TMEM132D: variants seen among roughly 807,000 people sequenced by gnomAD.
The protein encoded by TMEM132D is transmembrane protein 132D, also known as mature OL transmembrane protein.
A neutral mutation model predicts 62.3 loss-of-function variants in TMEM132D; 21 were observed. The observed-to-expected ratio is 0.34, with a 90% CI of 0.24 to 0.49. The LOEUF (loss-of-function observed/expected upper bound fraction) is 0.49, where lower values mean the gene tolerates loss of function less well. Among genes scored for constraint, TMEM132D ranks in the 20% least tolerant of loss-of-function variants. The probability of loss-of-function intolerance (pLI) is 0.99; values close to 1 mark genes in which losing one functional copy is unlikely to be tolerated. For missense variants in TMEM132D, 1,346 were observed against 1,402.8 expected (o/e 0.96, Z 0.65); for synonymous variants, 621 against 575.6 (o/e 1.08, Z -1.13).
chr12:129,082,756 G>A (rs1348252173), intron 6 of TMEM132D, among the ~76,000 whole-genome samples: 9 of 152,192 alleles, frequency 5.9e-5, no homozygotes. Context: ...TTGTGACAGG[G>A]TCTTGCTCTG....
intron 2 of TMEM132D, among the ~76,000 whole-genome samples, chr12:129,610,980 C>T (rs745744617): frequency 4.6e-5 from 7 of 152,148 alleles, no homozygotes; most frequent in African/African-American, 7.2e-5. Flanking sequence ...TCAGGCAGAA[C>T]CATAATATTC....
intron 3 of TMEM132D, among the ~76,000 whole-genome samples, chr12:129,354,838 G>C (rs76759379): frequency 0.018 from 2,801 of 152,258 alleles, 85 homozygotes; most frequent in African/African-American, 0.061. Context: ...GTCCACTCTT[G>C]ATTTCTGCCT....
At chr12:129,467,587 T>C (rs939607821) in intron 3 of TMEM132D, among the ~76,000 whole-genome samples, 1 of 152,132 alleles carries the variant, frequency 6.6e-6, no homozygotes, top group Non-Finnish European at 1.5e-5. Context: ...GGGAGGAGGC[T>C]CCTCTGCACC....
chr12:129,590,358 C>T (rs1240666976), intron 2 of TMEM132D, among the ~76,000 whole-genome samples: 2 of 152,224 alleles, frequency 1.3e-5, no homozygotes. Flanking sequence ...GGCTTGCCTC[C>T]ACCAAGTCCC....
chr12:129,614,006 G>A (rs567628120), intron 2 of TMEM132D, among the ~76,000 whole-genome samples: 6 of 151,138 alleles, frequency 4.0e-5, no homozygotes, highest in Middle Eastern at 6.8e-3. Flanking sequence ...GAACCCAGGC[G>A]ACTGACTCCA....
At chr12:129,451,969 G>C (rs1222805214) in intron 3 of TMEM132D, among the ~76,000 whole-genome samples, 1 of 152,198 alleles carries the variant, frequency 6.6e-6, no homozygotes, top group Admixed American at 6.5e-5. Context: ...GAGTAGGCAA[G>C]TAGCAATCTG....
chr12:129,791,820 A>G (rs935612095), intron 1 of TMEM132D, among the ~76,000 whole-genome samples: 5 of 152,296 alleles, frequency 3.3e-5, no homozygotes, highest in Admixed American at 3.3e-4. Flanking sequence ...TTTGAAAAGC[A>G]AATAGTCAAA....
At chr12:129,659,101 G>A (rs1386731383) in intron 2 of TMEM132D, among the ~76,000 whole-genome samples, 1 of 151,992 alleles carries the variant, frequency 6.6e-6, no homozygotes, top group Admixed American at 6.6e-5. Context: ...TTGTAGGGAT[G>A]GGGTTTCGTC....
intron 1 of TMEM132D, among the ~76,000 whole-genome samples, chr12:129,842,513 G>A (rs749764611): frequency 1.3e-5 from 2 of 151,934 alleles, no homozygotes; most frequent in African/African-American, 4.8e-5. Context: ...CTGTTTCCCA[G>A]GCTGGAGTGC....
intron 2 of TMEM132D, among the ~76,000 whole-genome samples, chr12:129,659,973 G>C (rs1180848379): frequency 6.6e-6 from 1 of 152,126 alleles, no homozygotes; most frequent in African/African-American, 2.4e-5. Context: ...AGAACCCCTT[G>C]GGCCTGGGAA....
intron 3 of TMEM132D, among the ~76,000 whole-genome samples, chr12:129,478,443 A>G (rs1461771376): frequency 6.6e-6 from 1 of 152,258 alleles, no homozygotes; most frequent in African/African-American, 2.4e-5. Context: ...GAGCTTTGAC[A>G]GAAGCATCAC....
intron 4 of TMEM132D, among the ~76,000 whole-genome samples, chr12:129,292,655 T>A (rs1262921752): frequency 2.0e-5 from 3 of 152,218 alleles, no homozygotes; most frequent in Non-Finnish European, 4.4e-5. Flanking sequence ...GCAAGGATAA[T>A]CACTCAGAAA....
intron 2 of TMEM132D, among the ~76,000 whole-genome samples, chr12:129,548,066 GT>G (rs1158947624): frequency 1.1e-4 from 17 of 152,214 alleles, no homozygotes; most frequent in African/African-American, 4.1e-4. Context: ...GAGTCAGCCT[GT>G]GCTGATAGGA....
intron 3 of TMEM132D, among the ~76,000 whole-genome samples, chr12:129,440,396 T>G (rs558231372): frequency 6.6e-6 from 1 of 152,286 alleles, no homozygotes; most frequent in East Asian, 1.9e-4. Context: ...TGAAGAGATC[T>G]GGAGAGTGAA....
chr12:129,699,403 G>T lies in TMEM132D; in HGVS notation c.968+407C>A, dbSNP rs530278721. ...GAATAGATTTTGAGTTGGCAAAACC[G>T]TGTTCCCTGTCCTTTCTGACAACTG... On this transcript the variant is annotated intron_variant, in intron 2 of 8. Transcript: ENST00000422113. 4.6e-5 allele frequency among the ~76,000 whole-genome samples: 7 copies of T among 152,292 alleles called. No individual in the cohort carries two copies. In the East Asian group the frequency reaches 1.4e-3, roughly 29 times the overall value.
chr12:129,535,529 G>A (rs544601236), intron 2 of TMEM132D, among the ~76,000 whole-genome samples: 107 of 152,334 alleles, frequency 7.0e-4, no homozygotes, highest in African/African-American at 2.5e-3. Flanking sequence ...CAGAGACTTA[G>A]GCTGATGACA....
intron 4 of TMEM132D, among the ~76,000 whole-genome samples, chr12:129,325,064 A>G (rs1356017823): frequency 6.6e-6 from 1 of 152,132 alleles, no homozygotes; most frequent in African/African-American, 2.4e-5. Flanking sequence ...AGGTGCAGAA[A>G]GGTCATCTAC....
At chr12:129,082,900 T>A (rs936083358) in intron 6 of TMEM132D, among the ~76,000 whole-genome samples, 1 of 152,100 alleles carries the variant, frequency 6.6e-6, no homozygotes, top group Non-Finnish European at 1.5e-5. Context: ...GGCTAATTTT[T>A]AAAATTTTAT....
chr12:129,460,064 C>A, intron 3 of TMEM132D, among the ~76,000 whole-genome samples: 1 of 152,260 alleles, frequency 6.6e-6, no homozygotes. Context: ...GCAACAATGA[C>A]TCACTTTTGG....
Sources: allele counts gnomAD v4.1 joint callset (sites outside exome capture counted in the v4.1 genomes callset), GRCh38; gene constraint gnomAD v4.1.1; transcripts MANE v1.5; gene names NCBI Gene and HGNC (gene_info 2026-07-23, HGNC 2026-07-21).